Variants in RPH3A observed in about 807,000 individuals in gnomAD.
RPH3A encodes rabphilin 3A.
RPH3A carries 48 observed loss-of-function variants against 102.2 expected under a neutral mutation model. That is an observed-to-expected ratio of 0.47 (90% CI 0.37 to 0.60). The LOEUF (loss-of-function observed/expected upper bound fraction) is 0.60. Among genes scored for constraint, RPH3A ranks in the 20% least tolerant of loss-of-function variants. The probability of loss-of-function intolerance (pLI) is 0.00; values close to 1 mark genes in which losing one functional copy is unlikely to be tolerated. For missense variants in RPH3A, 781 were observed against 910.1 expected, an observed-to-expected ratio of 0.86 and a Z score of 1.83; for synonymous variants, 310 against 324.3, an observed-to-expected ratio of 0.96 and a Z score of 0.47.
intron 1 of RPH3A, among the ~76,000 whole-genome samples, chr12:112,729,565 CTA>C (rs2040619094): frequency 1.3e-5 from 2 of 152,238 alleles, no homozygotes; most frequent in South Asian, 4.1e-4. Flanking sequence ...AGAAATTCAA[CTA>C]TGTCACATAG....
chr12:112,862,398 C>T (rs1163705439), intron 5 of RPH3A, among the ~76,000 whole-genome samples: 1 of 152,100 alleles, frequency 6.6e-6, no homozygotes, highest in African/African-American at 2.4e-5. Context: ...GAGCAAGGCC[C>T]TATCTCTAAA....
intron 7 of RPH3A, chr12:112,868,199 T>C (rs2042643611): frequency 4.1e-6 from 2 of 487,174 alleles, no homozygotes; most frequent in South Asian, 4.4e-5. Context: ...CCTTTCTCCA[T>C]CCAAACTCCA....
At chr12:112,765,458 G>A (rs1197195506) in intron 1 of RPH3A, among the ~76,000 whole-genome samples, 1 of 152,150 alleles carries the variant, frequency 6.6e-6, no homozygotes, top group Non-Finnish European at 1.5e-5. Flanking sequence ...AACACAGCAT[G>A]AACAAGCAAT....
chr12:112,812,609 T>C (rs1449124297), intron 2 of RPH3A, among the ~76,000 whole-genome samples: 1 of 152,188 alleles, frequency 6.6e-6, no homozygotes, highest in African/African-American at 2.4e-5. Context: ...AAGTCATACA[T>C]GGTACATGGT....
chr12:112,838,891 C>G (rs979468511), intron 4 of RPH3A, among the ~76,000 whole-genome samples: 1 of 152,128 alleles, frequency 6.6e-6, no homozygotes, highest in East Asian at 1.9e-4. Context: ...TCGGGGTCCA[C>G]CAATGCTGGC....
intron 1 of RPH3A, among the ~76,000 whole-genome samples, chr12:112,605,205 T>C (rs564225341): frequency 2.6e-5 from 4 of 152,166 alleles, no homozygotes; most frequent in African/African-American, 9.6e-5. Context: ...TGAAACCCCA[T>C]CTCTACCAAA....
intron 1 of RPH3A, among the ~76,000 whole-genome samples, chr12:112,581,600 A>G (rs112296760): frequency 0.11 from 16,436 of 152,034 alleles, 1,058 homozygotes; most frequent in South Asian, 0.33. Context: ...GGGTTTCACT[A>G]TGTTTCCCAA....
intron 19 of RPH3A, chr12:112,893,877 C>G (rs2043138859): frequency 6.6e-6 from 1 of 152,226 alleles, no homozygotes; most frequent in African/African-American, 2.4e-5. Flanking sequence ...AGACACTGGG[C>G]CTCACTGGAA....
intron 1 of RPH3A, among the ~76,000 whole-genome samples, chr12:112,584,575 G>A (rs545583896): frequency 1.6e-3 from 242 of 152,294 alleles, no homozygotes; most frequent in African/African-American, 5.7e-3. Context: ...CACCTCAGGC[G>A]TCATTCCTGG....
chr12:112,736,373 G>A (rs949686730), intron 1 of RPH3A, among the ~76,000 whole-genome samples: 58 of 152,230 alleles, frequency 3.8e-4, no homozygotes, highest in Non-Finnish European at 7.8e-4. Context: ...AGGGGATCTT[G>A]TCTCACTGTG....
At chr12:112,699,845 T>A (rs1172582014) in intron 1 of RPH3A, among the ~76,000 whole-genome samples, 1 of 152,230 alleles carries the variant, frequency 6.6e-6, no homozygotes, top group Non-Finnish European at 1.5e-5. Context: ...TAGGAGCTGG[T>A]GGGTTTTCTG....
At chr12:112,756,123 T>C (rs1448406666) in intron 1 of RPH3A, among the ~76,000 whole-genome samples, 1 of 152,032 alleles carries the variant, frequency 6.6e-6, no homozygotes, top group African/African-American at 2.4e-5. Context: ...CACAAAGAAA[T>C]GATAAATGTT....
intron 5 of RPH3A, among the ~76,000 whole-genome samples, chr12:112,848,186 G>A (rs2042263502): frequency 6.6e-6 from 1 of 152,154 alleles, no homozygotes; most frequent in Admixed American, 6.5e-5. Context: ...GAAGCGGGGT[G>A]GGTGTGAGCA....
At chr12:112,576,964 G>A (rs2039364870) in intron 1 of RPH3A, among the ~76,000 whole-genome samples, 1 of 134,498 alleles carries the variant, frequency 7.4e-6, no homozygotes, top group Non-Finnish European at 1.5e-5. Flanking sequence ...GGAGTGCAGT[G>A]GCATGAAAAT....
At chr12:112,678,745 C>T (rs1592939853) in intron 1 of RPH3A, among the ~76,000 whole-genome samples, 1 of 152,066 alleles carries the variant, frequency 6.6e-6, no homozygotes. Flanking sequence ...AGGTGTGGCG[C>T]TCAGAGGAGA....
intron 1 of RPH3A, among the ~76,000 whole-genome samples, chr12:112,670,484 T>C (rs1173834297): frequency 6.6e-6 from 1 of 152,206 alleles, no homozygotes; most frequent in African/African-American, 2.4e-5. Context: ...AGGGTATATA[T>C]ATTAGTTAAC....
At chr12:112,832,741 G>A (rs1222374673) in intron 3 of RPH3A, among the ~76,000 whole-genome samples, 2 of 152,156 alleles carry the variant, frequency 1.3e-5, no homozygotes, top group Non-Finnish European at 2.9e-5. Context: ...TACTCAGGAC[G>A]CTGAAGCAGG....
rs781597496 is a variant in RPH3A, at chr12:112,876,844, C to G, written c.1149C>G (p.Asn383Lys). 18 of 1,604,894 alleles carry G rather than the reference C, an allele frequency of 1.1e-5. No homozygotes were observed. The highest frequency in any genetic ancestry group is 1.4e-5 in the Non-Finnish European group (17 of 1,174,796). Reference protein sequence around the residue: ...PPPEEEEEEANSYDSDEATTL... With the variant: ...PPPEEEEEEAKSYDSDEATTL... The stretch of plus-strand genomic sequence containing the variant: ...CAGAGGAGGAGGAAGAGGAAGCCAA[C>G]AGCTACGATTCGGATGAAGCAAGTA... The change falls in exon 13 of 22, where the codon AAC (asparagine) becomes AAG (lysine). Residue 383 changes from asparagine (N) to lysine (K), a missense_variant. Asn to Lys is a moderately conservative substitution (Grantham distance 94). Transcript: ENST00000389385.
chr12:112,666,391 G>A (rs1053041403), intron 1 of RPH3A, among the ~76,000 whole-genome samples: 2 of 151,922 alleles, frequency 1.3e-5, no homozygotes, highest in African/African-American at 4.8e-5. Context: ...GGTCCTCATT[G>A]CCATCAATTC....
Sources: gnomAD v4.1 joint callset for allele counts (sites outside exome capture counted in the v4.1 genomes callset) on GRCh38, gnomAD v4.1.1 for gene constraint, MANE v1.5 for transcripts, NCBI Gene and HGNC (gene_info 2026-07-23, HGNC 2026-07-21) for gene names.